Variants in NAV2 observed in about 807,000 individuals in gnomAD.
NAV2 encodes helicase, APC down-regulated 1.
NAV2 carries 54 observed loss-of-function variants against 223.2 expected under a neutral mutation model. That is an observed-to-expected ratio of 0.24 (90% CI 0.19 to 0.30). NAV2 has a LOEUF of 0.30. NAV2 is among the 10% of genes least tolerant of loss of function. The pLI, the probability that NAV2 is intolerant of heterozygous loss-of-function variation, is 1.00. For synonymous variants in NAV2, 1,279 were observed against 1,239.3 expected (o/e 1.03, Z -0.67); for missense variants, 2,806 against 3,147.5 (o/e 0.89, Z 2.60).
intron 1 of NAV2, among the ~76,000 whole-genome samples, chr11:19,803,868 C>T (rs2152782064): frequency 6.6e-6 from 1 of 152,316 alleles, no homozygotes; most frequent in African/African-American, 2.4e-5. Flanking sequence ...TCTGCCTCGC[C>T]CCATCTGTGG....
chr11:19,670,568 G>A (rs1590065835), intron 1 of NAV2, among the ~76,000 whole-genome samples: 1 of 152,202 alleles, frequency 6.6e-6, no homozygotes, highest in African/African-American at 2.4e-5. Flanking sequence ...GCTGCTGAGG[G>A]TGTCTGAAGT....
chr11:19,566,911 T>G (rs1229089908), intron 1 of NAV2, among the ~76,000 whole-genome samples: 1 of 152,206 alleles, frequency 6.6e-6, no homozygotes, highest in Non-Finnish European at 1.5e-5. Context: ...GAAAGAATCT[T>G]CCATATATTA....
intron 10 of NAV2, among the ~76,000 whole-genome samples, chr11:19,959,343 T>C (rs1245121613): frequency 3.3e-5 from 5 of 152,150 alleles, no homozygotes; most frequent in African/African-American, 4.8e-5. Context: ...CCATAGTTCA[T>C]TGCAACCCAA....
intron 11 of NAV2, among the ~76,000 whole-genome samples, chr11:20,031,734 TTGTGTGTGTGTG>T (rs5790104): frequency 2.7e-5 from 4 of 149,108 alleles, no homozygotes; most frequent in Admixed American, 6.7e-5. Context: ...CATTTTCGCT[TTGTGTGTGTGTG>T]TGTGTGTGTG....
At chr11:19,452,266 A>G (rs993560357) in intron 1 of NAV2, among the ~76,000 whole-genome samples, 1 of 152,218 alleles carries the variant, frequency 6.6e-6, no homozygotes, top group Non-Finnish European at 1.5e-5. Flanking sequence ...AAAAATTAAG[A>G]ATCAAATAGT....
intron 1 of NAV2, among the ~76,000 whole-genome samples, chr11:19,477,620 A>T (rs1442078671): frequency 1.3e-5 from 2 of 152,334 alleles, no homozygotes; most frequent in Middle Eastern, 3.4e-3. Flanking sequence ...TACAACCTTC[A>T]TGAGGGTCCC....
intron 1 of NAV2, among the ~76,000 whole-genome samples, chr11:19,691,769 C>G (rs1458758175): frequency 1.3e-5 from 2 of 152,186 alleles, no homozygotes; most frequent in African/African-American, 4.8e-5. Context: ...GCCTCAGCTT[C>G]CTGGAGGAAG....
intron 3 of NAV2, among the ~76,000 whole-genome samples, chr11:19,858,254 G>T (rs1049690114): frequency 6.6e-6 from 1 of 152,310 alleles, no homozygotes; most frequent in Non-Finnish European, 1.5e-5. Flanking sequence ...GTTCTGCTCT[G>T]TGCTTCTATG....
rs563116388 is a variant in NAV2 at position 19,821,217 on chromosome 11, G to A, written c.268-11267G>A. 2.5e-3 allele frequency among the ~76,000 whole-genome samples: 357 copies of A among 143,968 alleles called. 5 individuals carry two copies. Among genetic ancestry groups the A allele is most frequent in the Admixed American group, 0.023 (324 of 13,830 alleles). 94.4% of individuals were successfully genotyped at this position (143,968 alleles called of 152,430 possible). ...GCGGAGCTTGCAGTGAGCCGAGATT[G>A]CGCCACTGCACTCCAGCCTGGGCGA... On this transcript the variant is annotated intron_variant, in intron 1 of 37. Transcript: ENST00000349880.
intron 1 of NAV2, among the ~76,000 whole-genome samples, chr11:19,705,643 C>G (rs1361446576): frequency 6.6e-6 from 1 of 152,072 alleles, no homozygotes; most frequent in East Asian, 1.9e-4. Context: ...TCTCTTCCTT[C>G]TGTGCCAAAA....
chr11:19,831,829 AAT>A (rs2059961547), intron 1 of NAV2, among the ~76,000 whole-genome samples: 1 of 152,234 alleles, frequency 6.6e-6, no homozygotes, highest in Non-Finnish European at 1.5e-5. Flanking sequence ...GTTGTGTTTA[AAT>A]ATGTTGGAAT....
At chr11:19,942,941 G>A (rs1222473666) in intron 8 of NAV2, among the ~76,000 whole-genome samples, 1 of 152,238 alleles carries the variant, frequency 6.6e-6, no homozygotes, top group Middle Eastern at 3.4e-3. Flanking sequence ...TGTGATCACA[G>A]CACTGCACTC....
At chr11:19,802,567 T>C (rs2058333166) in intron 1 of NAV2, among the ~76,000 whole-genome samples, 1 of 152,136 alleles carries the variant, frequency 6.6e-6, no homozygotes, top group Non-Finnish European at 1.5e-5. Flanking sequence ...CTTAAAGCAA[T>C]TAGGCCTTAT....
intron 12 of NAV2, among the ~76,000 whole-genome samples, chr11:20,040,758 T>C (rs2056841332): frequency 1.3e-5 from 2 of 152,154 alleles, no homozygotes; most frequent in South Asian, 2.1e-4. Flanking sequence ...GGCCGAGGCA[T>C]GGAGGGGAAG....
At chr11:19,766,489 C>T (rs1318817732) in intron 1 of NAV2, among the ~76,000 whole-genome samples, 2 of 152,160 alleles carry the variant, frequency 1.3e-5, no homozygotes, top group African/African-American at 2.4e-5. Context: ...GCTGATGTCT[C>T]TTAAGGAGGG....
intron 1 of NAV2, among the ~76,000 whole-genome samples, chr11:19,535,835 C>T (rs2044170711): frequency 6.6e-6 from 1 of 152,150 alleles, no homozygotes. Flanking sequence ...CAGGAAAGCA[C>T]ACAATAAATG....
chr11:19,418,321 A>T (rs1850466444), intron 1 of NAV2, among the ~76,000 whole-genome samples: 1 of 152,190 alleles, frequency 6.6e-6, no homozygotes, highest in South Asian at 2.1e-4. Context: ...GGAAACCTAC[A>T]GTCTAGGAGG....
At chr11:19,931,470 C>T (rs1048952008) in intron 6 of NAV2, among the ~76,000 whole-genome samples, 2 of 152,166 alleles carry the variant, frequency 1.3e-5, no homozygotes, top group African/African-American at 2.4e-5. Flanking sequence ...TCTCACGGCA[C>T]GGTGCTCACG....
chr11:19,502,683 A>T (rs1378213265), intron 1 of NAV2: 2 of 152,250 alleles, frequency 1.3e-5, no homozygotes, highest in Non-Finnish European at 2.9e-5. Context: ...TTAAGATAAC[A>T]TCATTTTATT....
Sources: gnomAD v4.1 joint callset for allele counts (sites outside exome capture counted in the v4.1 genomes callset) on GRCh38, gnomAD v4.1.1 for gene constraint, MANE v1.5 for transcripts, NCBI Gene and HGNC (gene_info 2026-07-23, HGNC 2026-07-21) for gene names.